ANKRD30B: variants seen among roughly 807,000 people sequenced by gnomAD.
ANKRD30B encodes ankyrin repeat domain 30B, also known as ankyrin repeat domain-containing protein 30B.
ANKRD30B carries 144 observed loss-of-function variants against 202.2 expected under a neutral mutation model. The ratio of observed to expected loss-of-function variants is 0.71; its 90% CI spans 0.62 to 0.82. ANKRD30B has a LOEUF of 0.82. Among genes scored for constraint, ANKRD30B ranks in the 40% least tolerant of loss-of-function variants. ANKRD30B has a pLI of 0.00. For synonymous variants in ANKRD30B, 508 were observed against 561.3 expected (o/e 0.91, Z 1.34); for missense variants, 1,487 against 1,669.1 (o/e 0.89, Z 1.90).
At chr18:14,786,577 TA>T (rs1278244257) in intron 14 of ANKRD30B, among the ~76,000 whole-genome samples, 2 of 152,226 alleles carry the variant, frequency 1.3e-5, no homozygotes, top group Non-Finnish European at 2.9e-5. Context: ...ATCAAAAAGT[TA>T]ATATTCCTAA....
At chr18:14,821,738 A>G (rs945272955) in intron 30 of ANKRD30B, among the ~76,000 whole-genome samples, 5 of 152,206 alleles carry the variant, frequency 3.3e-5, no homozygotes, top group African/African-American at 9.7e-5. Context: ...AGTTACAGGC[A>G]TGAGCCATGG....
chr18:14,876,550 G>T, the ANKRD30B span, among the ~76,000 whole-genome samples: 1 of 152,302 alleles, frequency 6.6e-6, no homozygotes, highest in African/African-American at 2.4e-5. Context: ...CTCTTGGGTT[G>T]TATTAGAAAG....
chr18:14,776,735 T>C (rs1237256625), intron 9 of ANKRD30B, among the ~76,000 whole-genome samples: 3 of 152,254 alleles, frequency 2.0e-5, no homozygotes, highest in Non-Finnish European at 1.5e-5. Flanking sequence ...TGAAGTTGTG[T>C]ATTAAGAATG....
downstream of ANKRD30B, among the ~76,000 whole-genome samples, chr18:14,855,603 A>G (rs1352257246): frequency 6.8e-6 from 1 of 147,906 alleles, no homozygotes; most frequent in African/African-American, 2.5e-5. Flanking sequence ...GCGGCTGGGA[A>G]GAGGCACTCC....
chr18:14,885,702 T>C, the ANKRD30B span, among the ~76,000 whole-genome samples: 2 of 151,936 alleles, frequency 1.3e-5, no homozygotes, highest in African/African-American at 4.8e-5. Context: ...CCCTAAGAAT[T>C]TACCTCCAGC....
intron 14 of ANKRD30B, among the ~76,000 whole-genome samples, chr18:14,785,511 G>A (rs1162819177): frequency 5.3e-5 from 8 of 152,154 alleles, no homozygotes; most frequent in Non-Finnish European, 8.8e-5. Flanking sequence ...TTAGTTTTAT[G>A]TGCTAATTTT....
At chr18:14,882,256 A>G in the ANKRD30B span, among the ~76,000 whole-genome samples, 4 of 152,176 alleles carry the variant, frequency 2.6e-5, no homozygotes, top group African/African-American at 4.8e-5. Flanking sequence ...TAGGGCTACA[A>G]ACTTTCCTCT....
intron 7 of ANKRD30B, among the ~76,000 whole-genome samples, chr18:14,764,498 A>G (rs1258863734): frequency 6.6e-6 from 1 of 151,974 alleles, no homozygotes; most frequent in Non-Finnish European, 1.5e-5. Flanking sequence ...GGTTCATGCA[A>G]TTCTCCTGCC....
the ANKRD30B span, among the ~76,000 whole-genome samples, chr18:14,885,030 A>T: frequency 6.6e-6 from 1 of 152,158 alleles, no homozygotes; most frequent in Non-Finnish European, 1.5e-5. Flanking sequence ...AATTCAAACC[A>T]GAGAGACCAG....
intron 30 of ANKRD30B, among the ~76,000 whole-genome samples, chr18:14,815,433 T>C (rs1340121543): frequency 1.3e-5 from 2 of 152,152 alleles, no homozygotes; most frequent in East Asian, 3.9e-4. Context: ...CAGGCGATGC[T>C]GATGCTGGTG....
At chr18:14,784,088 T>C (rs768006591) in intron 12 of ANKRD30B, among the ~76,000 whole-genome samples, 3 of 152,150 alleles carry the variant, frequency 2.0e-5, no homozygotes, top group Non-Finnish European at 4.4e-5. Flanking sequence ...TCAACCCTTT[T>C]TACACGTGAA....
At chr18:14,908,328 A>G in the ANKRD30B span, among the ~76,000 whole-genome samples, 2 of 152,178 alleles carry the variant, frequency 1.3e-5, no homozygotes, top group Non-Finnish European at 2.9e-5. Context: ...TAACTCCTCT[A>G]CAGATGCAAC....
At chr18:14,899,081 A>G in the ANKRD30B span, among the ~76,000 whole-genome samples, 1 of 152,168 alleles carries the variant, frequency 6.6e-6, no homozygotes, top group Non-Finnish European at 1.5e-5. Context: ...AAATATTTTT[A>G]ATCTTGTCAT....
At chr18:14,775,044 A>G (rs35548812) in intron 9 of ANKRD30B, among the ~76,000 whole-genome samples, 1 of 151,924 alleles carries the variant, frequency 6.6e-6, no homozygotes, top group Non-Finnish European at 1.5e-5. Context: ...GGAGAATGGC[A>G]TGAACCTGGG....
At chr18:14,862,994 C>T in the ANKRD30B span, among the ~76,000 whole-genome samples, 1 of 152,236 alleles carries the variant, frequency 6.6e-6, no homozygotes, top group Non-Finnish European at 1.5e-5. Flanking sequence ...ACCTGTACTG[C>T]ATTGAATATT....
chr18:14,886,236 G>A, the ANKRD30B span, among the ~76,000 whole-genome samples: 224 of 151,966 alleles, frequency 1.5e-3, 1 homozygote, highest in Middle Eastern at 0.024. Flanking sequence ...AACTGATCTA[G>A]ACTCTTGTGA....
rs1454366984 is a variant in ANKRD30B, at chr18:14,752,671, T to C, written c.327T>C (p.Pro109=). 1 of 1,602,464 alleles carries C rather than the reference T, an allele frequency of 6.2e-7. No individual in the cohort carries two copies. Among genetic ancestry groups the C allele is most frequent in the South Asian group, 1.1e-5 (1 of 89,784 alleles). Residue 109 remains proline, a synonymous_variant, in exon 2 of 44, where the codon CCT becomes CCC. Transcript: ENST00000690538. ...LNVLDGEGRT[P]LMKALQCERE... ...TCCTTGATGGCGAAGGGAGGACACCTCTGATGAAGGTAAATAGTAGCCAGT... is the reference window on the plus strand; with the variant it reads ...TCCTTGATGGCGAAGGGAGGACACCCCTGATGAAGGTAAATAGTAGCCAGT...
At chr18:14,903,263 G>T in the ANKRD30B span, among the ~76,000 whole-genome samples, 2 of 152,196 alleles carry the variant, frequency 1.3e-5, no homozygotes, top group Non-Finnish European at 2.9e-5. Flanking sequence ...GAGGAAAGGC[G>T]TGAACATTTA....
the ANKRD30B span, among the ~76,000 whole-genome samples, chr18:14,889,185 C>G: frequency 6.6e-6 from 1 of 151,508 alleles, no homozygotes; most frequent in Admixed American, 6.6e-5. Flanking sequence ...AAAATTAGGA[C>G]CTATTTCCCC....
Sources: allele counts gnomAD v4.1 joint callset (sites outside exome capture counted in the v4.1 genomes callset), GRCh38; gene constraint gnomAD v4.1.1; transcripts MANE v1.5; gene names NCBI Gene and HGNC (gene_info 2026-07-23, HGNC 2026-07-21).